DNAH11: variants seen among roughly 807,000 people sequenced by gnomAD.
The protein encoded by DNAH11 is axonemal beta dynein heavy chain 11.
In DNAH11, 442 loss-of-function variants were observed where a neutral mutation model predicts 526.0. The ratio of observed to expected loss-of-function variants is 0.84; its 90% CI spans 0.78 to 0.91. The LOEUF (loss-of-function observed/expected upper bound fraction) is 0.91, where lower values mean the gene tolerates loss of function less well. Ranked by LOEUF, DNAH11 falls within the 40% of genes least tolerant of loss-of-function variation. The pLI is 0.00. For synonymous variants in DNAH11, 2,461 were observed against 1,935.9 expected, an observed-to-expected ratio of 1.27 and a Z score of -7.12; for missense variants, 6,989 against 5,448.7, an observed-to-expected ratio of 1.28 and a Z score of -8.90.
intron 74 of DNAH11, among the ~76,000 whole-genome samples, chr7:21,873,767 A>T (rs1783587622): frequency 7.7e-6 from 1 of 129,150 alleles, no homozygotes. Flanking sequence ...TAACTAGGTA[A>T]CTTCTTGAGG....
chr7:21,611,466 C>G lies in DNAH11; in HGVS notation c.3853-3648C>G, dbSNP rs546678460. ...GTGTGAGCCAATACCCCTAATGAAA[C>G]TTCCCTCATGTATCTATTTATTTTT... On this transcript the variant is annotated intron_variant, in intron 20 of 81. Transcript: ENST00000409508. 2.0e-5 allele frequency among the ~76,000 whole-genome samples: 3 copies of G among 152,284 alleles called. No individual in the cohort carries two copies. In the South Asian group the frequency reaches 6.2e-4, roughly 32 times the overall value.
At chr7:21,900,288 C>T (rs772893238) in intron 81 of DNAH11, among the ~76,000 whole-genome samples, 168 bp downstream of exon 81, 5 of 133,624 alleles carry the variant, frequency 3.7e-5, no homozygotes, top group Non-Finnish European at 8.6e-5. Context: ...GATGTGTGTC[C>T]ACTGTGAACC....
At position 21,794,640 on chromosome 7, in the gene DNAH11, G is replaced by A. The variant is rs111946570; in HGVS notation, c.10026+5298G>A. Reference sequence around the variant, plus strand: ...GTGCCTTGTACAGTGTGGTGCTGTTGAACAGCCACTCTGATTTGGCATCTC... The same window carrying A: ...GTGCCTTGTACAGTGTGGTGCTGTTAAACAGCCACTCTGATTTGGCATCTC... On this transcript the variant is annotated intron_variant, in intron 61 of 81. Coordinates refer to ENST00000409508, the MANE Select transcript of DNAH11 (RefSeq NM_001277115.2). Among the ~76,000 whole-genome samples, 237 of 152,252 alleles carry A rather than the reference G, an allele frequency of 1.6e-3. 1 individual carries two copies. The highest frequency in any genetic ancestry group is 5.5e-3 in the African/African-American group (229 of 41,532).
intron 61 of DNAH11, among the ~76,000 whole-genome samples, chr7:21,799,911 T>C (rs6461601): frequency 0.012 from 1,819 of 152,314 alleles, 41 homozygotes; most frequent in African/African-American, 0.042. Context: ...ATAAATCTTA[T>C]TAGGTTTCTT....
rs781662498 is a variant in DNAH11 at position 21,738,752 on chromosome 7, G to A, written c.7697G>A (p.Gly2566Glu). ...EKKAGHNYGP[G>E]GNKKLIYFID... The stretch of plus-strand genomic sequence containing the variant: ...AAAGCTGGTCATAACTATGGTCCTG[G>A]AGGAAATAAAAAATTGATTTATTTT... The change falls in exon 47 of 82, where the codon GGA becomes GAA. Residue 2566 changes from glycine to glutamate, a missense_variant. Coordinates refer to ENST00000409508, the MANE Select transcript of DNAH11 (RefSeq NM_001277115.2). 1 of 1,587,868 alleles carries A rather than the reference G, an allele frequency of 6.3e-7. No individual in the cohort carries two copies. The highest frequency in any genetic ancestry group is 1.2e-5 in the South Asian group (1 of 86,440).
At chr7:21,698,848 G>C (rs1783954216) in intron 36 of DNAH11, among the ~76,000 whole-genome samples, 1 of 152,134 alleles carries the variant, frequency 6.6e-6, no homozygotes, top group Non-Finnish European at 1.5e-5. Context: ...GGGATTGCTA[G>C]ATCAAATGGA....
intron 14 of DNAH11, among the ~76,000 whole-genome samples, chr7:21,599,468 A>G (rs1784987843): frequency 6.6e-6 from 1 of 152,252 alleles, no homozygotes; most frequent in Non-Finnish European, 1.5e-5. Context: ...TGACAGAGCA[A>G]AAACTAGAGC....
chr7:21,879,500 T>C (rs1024265672), intron 74 of DNAH11, among the ~76,000 whole-genome samples: 2 of 151,998 alleles, frequency 1.3e-5, no homozygotes, highest in Admixed American at 1.3e-4. Flanking sequence ...GACACATGTT[T>C]CCCAATTTTC....
chr7:21,735,920 A>G (rs1785590143), intron 46 of DNAH11, 76 bp downstream of exon 46: 1 of 1,324,162 alleles, frequency 7.6e-7, no homozygotes, highest in South Asian at 1.6e-5. Context: ...CCAAAAGACT[A>G]ATAATGCCTT....
chr7:21,768,619 A>G (rs1434472401), intron 55 of DNAH11, among the ~76,000 whole-genome samples: 1 of 152,242 alleles, frequency 6.6e-6, no homozygotes. Context: ...ACTCCGTATC[A>G]TCAGCTTTTT....
Position 21,787,475 on chromosome 7 carries a change from T to C in DNAH11, c.9816T>C (p.Asn3272=), listed in dbSNP as rs779389497. Residue 3272 remains asparagine, a synonymous_variant, in exon 60 of 82, where the codon AAT becomes AAC. Coordinates refer to ENST00000409508, the MANE Select transcript of DNAH11 (RefSeq NM_001277115.2). ...CAGAGAACTGTCTAAAAGTGGTGAA[T>C]GAACACTATTTGAAAGACCCAGAGT... is the stretch of plus-strand genomic sequence containing the variant. ...HIPENCLKVV[N]EHYLKDPEFN... 4.3e-6 allele frequency: 7 copies of C among 1,613,848 alleles called. No homozygotes were observed. The highest frequency in any genetic ancestry group is 5.9e-6 in the Non-Finnish European group (7 of 1,179,780).
intron 30 of DNAH11, among the ~76,000 whole-genome samples, chr7:21,679,342 T>C (rs1365321340): frequency 6.6e-6 from 1 of 152,232 alleles, no homozygotes; most frequent in Admixed American, 6.5e-5. Flanking sequence ...TAATTAATAA[T>C]AACGTAGTGT....
At chr7:21,663,332 T>C (rs1469258760) in intron 30 of DNAH11, among the ~76,000 whole-genome samples, 2 of 152,154 alleles carry the variant, frequency 1.3e-5, no homozygotes, top group African/African-American at 4.8e-5. Flanking sequence ...TTCCTTTCAG[T>C]AGATACTTGG....
chr7:21,853,747 T>A (rs1044828887), intron 67 of DNAH11, among the ~76,000 whole-genome samples: 5 of 152,216 alleles, frequency 3.3e-5, no homozygotes, highest in African/African-American at 1.2e-4. Flanking sequence ...TCTCTCTGAA[T>A]GTACCCAGAG....
At chr7:21,842,459 A>T (rs1246185049) in intron 65 of DNAH11, 85 bp from the exon 66 acceptor site, 10 of 1,163,188 alleles carry the variant, frequency 8.6e-6, no homozygotes, top group Non-Finnish European at 1.2e-5. Context: ...AAGGTCCATT[A>T]TAAGAATACA....
chr7:21,866,703 C>A, intron 71 of DNAH11, 40 bp downstream of exon 71: 1 of 1,559,970 alleles, frequency 6.4e-7, no homozygotes, highest in East Asian at 2.2e-5. Context: ...TATTAGTTAA[C>A]ATAGAGGAAA....
At chr7:21,561,391 C>T (rs1227527211) in intron 5 of DNAH11, 1 of 387,938 alleles carries the variant, frequency 2.6e-6, no homozygotes, top group East Asian at 4.2e-5. Context: ...CAAAATGGCT[C>T]CAGATTGAAA....
chr7:21,677,560 T>C (rs1359189081), intron 30 of DNAH11, among the ~76,000 whole-genome samples: 1 of 152,162 alleles, frequency 6.6e-6, no homozygotes, highest in Admixed American at 6.5e-5. Context: ...ATTTTTTGTA[T>C]TTTTAGTAGA....
intron 65 of DNAH11, among the ~76,000 whole-genome samples, chr7:21,835,223 C>CAAAAAA (rs201863939): frequency 1.1e-5 from 1 of 87,566 alleles, no homozygotes; most frequent in Non-Finnish European, 2.4e-5. Flanking sequence ...CAGACTATTC[C>CAAAAAA]AAAAAAAAAA....
Sources: gnomAD v4.1 joint callset for allele counts (sites outside exome capture counted in the v4.1 genomes callset) on GRCh38, gnomAD v4.1.1 for gene constraint, MANE v1.5 for transcripts, NCBI Gene and HGNC (gene_info 2026-07-23, HGNC 2026-07-21) for gene names.